The following GALNT1 variants were observed in gnomAD, a reference collection of about 807,000 sequenced individuals.
The protein encoded by GALNT1 is GalNAc transferase 1.
GALNT1 carries 17 observed loss-of-function variants against 65.7 expected under a neutral mutation model. The observed-to-expected ratio is 0.26, with a 90% confidence interval of 0.18 to 0.39. GALNT1 has a LOEUF of 0.39. GALNT1 is among the 10% of genes least tolerant of loss of function. The pLI is 1.00. For synonymous variants in GALNT1, 210 were observed against 219.7 expected (o/e 0.96, Z 0.39); for missense variants, 460 against 672.8 (o/e 0.68, Z 3.50).
chr18:35,630,152 A>C (rs1248910401), intron 1 of GALNT1, among the ~76,000 whole-genome samples: 5 of 152,190 alleles, frequency 3.3e-5, no homozygotes, highest in African/African-American at 1.2e-4. Flanking sequence ...AATGAGACAG[A>C]AAGTTAACAA....
Position 35,642,962 on chromosome 18 carries a change from G to T in GALNT1, c.-103-11598G>T, listed in dbSNP as rs56053981. On this transcript the variant is annotated intron_variant, in intron 1 of 11. Coordinates refer to ENST00000269195, the MANE Select transcript of GALNT1 (RefSeq NM_020474.4). ...TGCAAGTGGCCTTCTCCATGTCGGG[G>T]GCAGTGTGACTGAGCGCAGTCCTAG... is the stretch of plus-strand genomic sequence containing the variant. Among the ~76,000 whole-genome samples, 6 of 151,932 alleles carry T rather than the reference G, an allele frequency of 3.9e-5. 1 individual carries two copies. Among genetic ancestry groups the T allele is most frequent in the Admixed American group, 3.9e-4 (6 of 15,244 alleles).
chr18:35,609,767 C>T (rs2046693834), intron 1 of GALNT1, among the ~76,000 whole-genome samples: 1 of 151,998 alleles, frequency 6.6e-6, no homozygotes, highest in African/African-American at 2.4e-5. Flanking sequence ...AATCAACTGC[C>T]CACTCTTTGC....
At chr18:35,683,737 C>A in intron 5 of GALNT1, 139 bp downstream of exon 5, 1 of 679,998 alleles carries the variant, frequency 1.5e-6, no homozygotes, top group Non-Finnish European at 2.4e-6. Flanking sequence ...GTGAAGAGGA[C>A]TCTAAAGGAA....
At chr18:35,623,310 A>C (rs77820865) in intron 1 of GALNT1, among the ~76,000 whole-genome samples, 1 of 151,540 alleles carries the variant, frequency 6.6e-6, no homozygotes, top group South Asian at 2.1e-4. Flanking sequence ...TCCCCTGTAC[A>C]TACATTTTTT....
intron 1 of GALNT1, among the ~76,000 whole-genome samples, chr18:35,618,860 G>A (rs2046817237): frequency 6.6e-6 from 1 of 152,290 alleles, no homozygotes; most frequent in Non-Finnish European, 1.5e-5. Flanking sequence ...TGATAGCAAT[G>A]CAGAAGCAGC....
chr18:35,683,933 T>A (rs568695090), intron 5 of GALNT1, among the ~76,000 whole-genome samples: 1 of 152,376 alleles, frequency 6.6e-6, no homozygotes, highest in African/African-American at 2.4e-5. Flanking sequence ...CCTTGCACTC[T>A]AAAGCTAATG....
At chr18:35,690,918 A>G (rs943112998) in intron 7 of GALNT1, 94 bp from the exon 8 acceptor site, 1 of 1,195,022 alleles carries the variant, frequency 8.4e-7, no homozygotes, top group Admixed American at 2.6e-5. Context: ...CCAAACCCCT[A>G]TTTAATTGAA....
chr18:35,640,026 G>A (rs539184633), intron 1 of GALNT1, among the ~76,000 whole-genome samples: 1 of 152,110 alleles, frequency 6.6e-6, no homozygotes, highest in Non-Finnish European at 1.5e-5. Flanking sequence ...CAAAACTCCT[G>A]ACCTCAGGTG....
rs191562097 is a variant in GALNT1, at chr18:35,602,767, C to A, written c.-104+20905C>A. The stretch of plus-strand genomic sequence containing the variant: ...TTTCTGAATTGTTTTTCTGTGTTAC[C>A]TTGGAGCTTGCTGATTTCCCATAGA... On this transcript the variant is annotated intron_variant, in intron 1 of 11. Coordinates refer to ENST00000269195, the MANE Select transcript of GALNT1 (RefSeq NM_020474.4). Among the ~76,000 whole-genome samples, 10 of 152,078 alleles carry A rather than the reference C, an allele frequency of 6.6e-5. No individual in the cohort carries two copies. In the East Asian group the frequency reaches 1.9e-3, roughly 29 times the overall value.
intron 1 of GALNT1, among the ~76,000 whole-genome samples, chr18:35,617,802 T>G (rs2046803527): frequency 6.6e-6 from 1 of 152,212 alleles, no homozygotes; most frequent in Non-Finnish European, 1.5e-5. Flanking sequence ...AAGTGTCTTT[T>G]TAAGTTGATT....
intron 1 of GALNT1, among the ~76,000 whole-genome samples, chr18:35,590,361 T>C (rs575923853): frequency 3.1e-4 from 47 of 152,320 alleles, no homozygotes; most frequent in Admixed American, 2.7e-3. Flanking sequence ...TTAGAGAACA[T>C]ATGATTGATT....
Position 35,590,466 on chromosome 18 carries a change from A to G in GALNT1, c.-104+8604A>G, listed in dbSNP as rs1385546261. 2.6e-5 allele frequency among the ~76,000 whole-genome samples: 4 copies of G among 152,176 alleles called. No individual in the cohort carries two copies. The East Asian group carries it at 7.7e-4, about 29-fold the overall frequency. ...AGGACAAACTTCTATGGGAACCAGG[A>G]GGTGATTTGAAGACAGTTCTTTAGG... On this transcript the variant is annotated intron_variant, in intron 1 of 11. Coordinates refer to ENST00000269195, the MANE Select transcript of GALNT1 (RefSeq NM_020474.4).
rs1177986627 is a variant in GALNT1, at chr18:35,581,818, G to T, written c.-148G>T. The T allele has an allele frequency of 3.6e-3, 3 of 830 alleles. No homozygotes were observed. Among genetic ancestry groups the T allele is most frequent in the African/African-American group, 0.12 (1 of 8 alleles). 0.1% of individuals were successfully genotyped at this position (830 alleles called of 1,614,324 possible). On this transcript the variant is annotated 5_prime_UTR_variant, in exon 1 of 12. Transcript: ENST00000269195. ...GGGACCGGCCGCGACCGCCGCGGCC[G>T]GCCCGGAGGACGCCTGCCGCCGCCG...
intron 3 of GALNT1, among the ~76,000 whole-genome samples, chr18:35,673,877 A>C (rs1416641165): frequency 6.6e-6 from 1 of 152,212 alleles, no homozygotes; most frequent in East Asian, 1.9e-4. Flanking sequence ...GTCATTAGAC[A>C]ATTTTGTCAT....
At chr18:35,620,140 T>C (rs1200367308) in intron 1 of GALNT1, among the ~76,000 whole-genome samples, 7 of 152,200 alleles carry the variant, frequency 4.6e-5, no homozygotes, top group Admixed American at 3.9e-4. Context: ...CTCCTATCTT[T>C]CTGTGTTGCA....
chr18:35,618,395 T>A (rs953728248), intron 1 of GALNT1, among the ~76,000 whole-genome samples: 1 of 152,184 alleles, frequency 6.6e-6, no homozygotes, highest in Non-Finnish European at 1.5e-5. Context: ...TGAAAAAGAC[T>A]GCTCATGGAT....
Position 35,663,576 on chromosome 18 carries a change from A to G in GALNT1, c.140-52A>G, listed in dbSNP as rs1186252400. The G allele has an allele frequency of 3.9e-6, 6 of 1,526,062 alleles. No individual in the cohort carries two copies. The East Asian group carries it at 6.8e-5, about 17-fold the overall frequency. 94.5% of individuals were successfully genotyped at this position (1,526,062 alleles called of 1,614,324 possible). On this transcript the variant is annotated intron_variant, in intron 2 of 11. Coordinates refer to ENST00000269195, the MANE Select transcript of GALNT1 (RefSeq NM_020474.4). ...CAAATGTTATTAAATAGAATCATGA[A>G]TCAATCAATTGCTATGAAATTAATG... is the stretch of plus-strand genomic sequence containing the variant.
Position 35,582,787 on chromosome 18 carries a change from A to G in GALNT1, c.-104+925A>G, listed in dbSNP as rs142888615. On this transcript the variant is annotated intron_variant, in intron 1 of 11. Coordinates refer to ENST00000269195, the MANE Select transcript of GALNT1 (RefSeq NM_020474.4). Reference sequence around the variant, plus strand: ...AGAAGTTGCAACTTTTCAGGTCACAATCTGAGCAGCAGAGTTGGGATTCAA... The same window carrying G: ...AGAAGTTGCAACTTTTCAGGTCACAGTCTGAGCAGCAGAGTTGGGATTCAA... Among the ~76,000 whole-genome samples the G allele has an allele frequency of 2.7e-3, 408 of 152,356 alleles. 2 individuals carry two copies. The highest frequency in any genetic ancestry group is 4.7e-3 in the Non-Finnish European group (318 of 68,030).
chr18:35,658,562 G>A (rs1375671126), intron 2 of GALNT1, among the ~76,000 whole-genome samples: 2 of 152,174 alleles, frequency 1.3e-5, no homozygotes, highest in African/African-American at 2.4e-5. Flanking sequence ...CCCAGAGGTT[G>A]TTAAGGTTCT....
Sources: gnomAD v4.1 joint callset for allele counts (sites outside exome capture counted in the v4.1 genomes callset) on GRCh38, gnomAD v4.1.1 for gene constraint, MANE v1.5 for transcripts, NCBI Gene and HGNC (gene_info 2026-07-23, HGNC 2026-07-21) for gene names.